BCL2L13: variants seen among roughly 807,000 people sequenced by gnomAD.
BCL2L13 encodes the protein BCL2 like 13.
A neutral mutation model predicts 25.8 loss-of-function variants in BCL2L13; 13 were observed. The observed-to-expected ratio is 0.50, with a 90% CI of 0.33 to 0.80. The LOEUF is 0.80. Ranked by LOEUF, BCL2L13 falls within the 30% of genes least tolerant of loss-of-function variation. The pLI, the probability that BCL2L13 is intolerant of heterozygous loss-of-function variation, is 0.02. For missense variants in BCL2L13, 504 were observed against 574.9 expected (o/e 0.88, Z 1.26); for synonymous variants, 244 against 230.3 (o/e 1.06, Z -0.54).
chr22:17,631,662 G>GTATATA lies in BCL2L13; in HGVS notation c.-650+2658_-650+2659insATATAT, dbSNP rs1372249082. Among the ~76,000 whole-genome samples the GTATATA allele has an allele frequency of 3.1e-3, 101 of 32,120 alleles. 5 individuals are homozygous for GTATATA. Among genetic ancestry groups the GTATATA allele is most frequent in the African/African-American group, 0.014 (95 of 6,738 alleles). The allele number at this position is 32,120 out of a possible 152,430, so 21.1% of individuals were successfully genotyped here. A position where few individuals can be genotyped will look rare whatever the true frequency, so the allele number is the denominator to read the frequency against. ...GAATGGTACGTGTGTGTATGTATGTGTGTGTGTGTATATATATATATATAT... is the reference window on the plus strand; with the variant it reads ...GAATGGTACGTGTGTGTATGTATGTGTATATATGTGTGTGTATATATATATATATAT... On this transcript the variant is annotated intron_variant, in intron 1 of 6. Coordinates refer to the BCL2L13 transcript ENST00000399782.
intron 6 of BCL2L13, among the ~76,000 whole-genome samples, chr22:17,722,315 A>T (rs575273585): frequency 1.1e-4 from 16 of 151,204 alleles, no homozygotes; most frequent in African/African-American, 3.6e-4. Flanking sequence ...TGCAGACTCA[A>T]ACTCCTGGGC....
chr22:17,683,081 G>A (rs189912257), intron 2 of BCL2L13, 133 bp from the exon 3 acceptor site: 375 of 542,090 alleles, frequency 6.9e-4, no homozygotes, highest in Non-Finnish European at 1.1e-3. Flanking sequence ...TGCAGTGAGC[G>A]GAGATCATGC....
At chr22:17,700,706 C>T (rs757716784) in intron 5 of BCL2L13, among the ~76,000 whole-genome samples, 4 of 152,102 alleles carry the variant, frequency 2.6e-5, no homozygotes, top group Admixed American at 1.3e-4. Context: ...TTCTTTATAG[C>T]CCTATACTAC....
intron 2 of BCL2L13, among the ~76,000 whole-genome samples, chr22:17,668,727 A>T (rs902996254): frequency 1.3e-5 from 2 of 152,128 alleles, no homozygotes; most frequent in African/African-American, 4.8e-5. Context: ...GGCCTCCCAA[A>T]GTGCTGGGAT....
upstream of BCL2L13, among the ~76,000 whole-genome samples, chr22:17,636,482 C>T (rs1018174977): frequency 5.9e-5 from 9 of 151,908 alleles, no homozygotes; most frequent in Non-Finnish European, 1.0e-4. Context: ...ACAGAAGCGA[C>T]ACCTTGTCTC....
chr22:17,721,923 G>T (rs545543679), intron 6 of BCL2L13, among the ~76,000 whole-genome samples: 1 of 152,146 alleles, frequency 6.6e-6, no homozygotes, highest in Non-Finnish European at 1.5e-5. Context: ...GCCTCCCAAA[G>T]TGCTGGGATT....
chr22:17,720,566 T>G (rs947338340), intron 6 of BCL2L13, among the ~76,000 whole-genome samples: 1 of 151,814 alleles, frequency 6.6e-6, no homozygotes, highest in African/African-American at 2.4e-5. Context: ...GGTTTCTCCA[T>G]GTTGATCAGG....
chr22:17,688,440 A>G (rs1005666762), intron 3 of BCL2L13, among the ~76,000 whole-genome samples: 5 of 152,250 alleles, frequency 3.3e-5, no homozygotes, highest in African/African-American at 1.2e-4. Flanking sequence ...ACAAAATCTT[A>G]AAAACAGAAT....
chr22:17,646,955 A>ATATTTTTTTTTTTT (rs768488873), intron 1 of BCL2L13, among the ~76,000 whole-genome samples: 1 of 22,188 alleles, frequency 4.5e-5, no homozygotes, highest in Non-Finnish European at 7.7e-5. Flanking sequence ...ATATATATAT[A>ATATTTTTTTTTTTT]TTTTTTTTTT....
intron 1 of BCL2L13, among the ~76,000 whole-genome samples, chr22:17,630,846 C>T (rs1197460275): frequency 1.3e-5 from 2 of 151,940 alleles, no homozygotes; most frequent in Admixed American, 6.6e-5. Flanking sequence ...CTGCCTCCAC[C>T]TCCCAAAGTG....
chr22:17,679,251 A>C (rs2059661455), intron 2 of BCL2L13, among the ~76,000 whole-genome samples: 1 of 144,870 alleles, frequency 6.9e-6, no homozygotes, highest in Non-Finnish European at 1.5e-5. Context: ...TGCATATGTC[A>C]ATTGGTTTGG....
intron 2 of BCL2L13, among the ~76,000 whole-genome samples, chr22:17,659,356 T>C (rs2058993833): frequency 6.9e-6 from 1 of 144,972 alleles, no homozygotes; most frequent in African/African-American, 2.5e-5. Context: ...AGAGCGAGAC[T>C]TCGTCTCAAA....
chr22:17,700,497 C>T (rs1184581441), intron 5 of BCL2L13, among the ~76,000 whole-genome samples: 3 of 152,112 alleles, frequency 2.0e-5, no homozygotes, highest in Non-Finnish European at 2.9e-5. Context: ...TAAAATGTTA[C>T]ATTATTGTGG....
At chr22:17,656,125 A>G (rs1290522992) in intron 2 of BCL2L13, among the ~76,000 whole-genome samples, 9 of 151,116 alleles carry the variant, frequency 6.0e-5, no homozygotes, top group Admixed American at 2.0e-4. Flanking sequence ...CCTGTAGTCC[A>G]GCTACTCAGG....
At chr22:17,684,947 T>C (rs947906415) in intron 3 of BCL2L13, among the ~76,000 whole-genome samples, 3 of 152,128 alleles carry the variant, frequency 2.0e-5, no homozygotes, top group Non-Finnish European at 4.4e-5. Flanking sequence ...TTAGCCAGGA[T>C]GGTCTCGTTG....
chr22:17,630,624 T>C lies in BCL2L13; in HGVS notation c.-650+1619T>C, dbSNP rs577833148. 7.6e-5 allele frequency among the ~76,000 whole-genome samples: 11 copies of C among 144,534 alleles called. No homozygotes were observed. The East Asian group carries it at 1.8e-3, about 24-fold the overall frequency. 94.8% of individuals were successfully genotyped at this position (144,534 alleles called of 152,430 possible). On this transcript the variant is annotated intron_variant, in intron 1 of 6. Transcript: ENST00000399782. ...TTTTTTTTTTGAGATGGAGTCTCGC[T>C]CTGTTGCCCAGGCTAGAGTGCAGTG... is the stretch of plus-strand genomic sequence containing the variant.
chr22:17,649,248 C>T (rs1228236948), intron 1 of BCL2L13, among the ~76,000 whole-genome samples: 1 of 152,130 alleles, frequency 6.6e-6, no homozygotes, highest in Non-Finnish European at 1.5e-5. Context: ...TAGGCGCACG[C>T]CACCATGCCT....
chr22:17,685,760 CTTTTTTTTTTTT>C (rs1166792513), intron 3 of BCL2L13, among the ~76,000 whole-genome samples: 8 of 60,564 alleles, frequency 1.3e-4, no homozygotes, highest in East Asian at 1.0e-3. Context: ...TTTTCTTTTT[CTTTTTTTTTTTT>C]TTTTTTTTTT....
Position 17,729,863 on chromosome 22 carries a change from A to G in BCL2L13, c.*2329A>G, listed in dbSNP as rs1197125047. 3.3e-5 allele frequency: 5 copies of G among 152,176 alleles called. No homozygotes were observed. Among genetic ancestry groups the G allele is most frequent in the Non-Finnish European group, 5.9e-5 (4 of 68,048 alleles). 9.4% of individuals were successfully genotyped at this position (152,176 alleles called of 1,614,324 possible). A position where few individuals can be genotyped will look rare whatever the true frequency, so the allele number is the denominator to read the frequency against. On this transcript the variant is annotated 3_prime_UTR_variant, in exon 7 of 7. Coordinates refer to ENST00000317582, the MANE Select transcript of BCL2L13 (RefSeq NM_015367.4). Reference sequence around the variant, plus strand: ...GTGGCAGCATCCCTGTTCTTCCTTCACGTCCTCACCCTCTGCCTCCAGCAG... The same window carrying G: ...GTGGCAGCATCCCTGTTCTTCCTTCGCGTCCTCACCCTCTGCCTCCAGCAG...
Sources: allele counts gnomAD v4.1 joint callset (sites outside exome capture counted in the v4.1 genomes callset), GRCh38; gene constraint gnomAD v4.1.1; transcripts MANE v1.5; gene names NCBI Gene and HGNC (gene_info 2026-07-23, HGNC 2026-07-21).